The following GAB3 variants were observed in gnomAD, a reference collection of about 807,000 sequenced individuals.
GAB3 encodes GRB2-associated-binding protein 3.
A neutral mutation model predicts 40.4 loss-of-function variants in GAB3; 12 were observed. That is an observed-to-expected ratio of 0.30 (90% CI 0.19 to 0.48). The LOEUF is 0.48. Ranked by LOEUF, GAB3 falls within the 20% of genes least tolerant of loss-of-function variation. GAB3 has a pLI of 0.99. For synonymous variants in GAB3, 154 were observed against 176.7 expected, an observed-to-expected ratio of 0.87 and a Z score of 1.02; for missense variants, 381 against 461.9, an observed-to-expected ratio of 0.82 and a Z score of 1.61.
Position 154,738,512 on chromosome X carries a change from C to T in GAB3, c.72+12442G>A, listed in dbSNP as rs1451880835. ...TTATTTGGGCAGCATATTATGTAAC[C>T]GGTTTCCTGTCATTGGAAGTGTCCA... On this transcript the variant is annotated intron_variant, in intron 1 of 9. Coordinates refer to ENST00000424127, the MANE Select transcript of GAB3 (RefSeq NM_001081573.3). 5.4e-5 allele frequency among the ~76,000 whole-genome samples: 6 copies of T among 112,107 alleles called. No individual in the cohort carries two copies. In the East Asian group the frequency reaches 8.3e-4, roughly 16 times the overall value.
At chrX:154,680,623 C>T (rs1353083545) in intron 8 of GAB3, among the ~76,000 whole-genome samples, 5 of 111,739 alleles carry the variant, frequency 4.5e-5, no homozygotes, top group Non-Finnish European at 9.4e-5. Context: ...ATAGTTTGCA[C>T]AATACAAACA....
rs1302640447 is a variant in GAB3, at chrX:154,678,076, G to A, written c.*102C>T. The A allele has an allele frequency of 4.7e-5, 22 of 466,497 alleles. No homozygotes were observed. The highest frequency in any genetic ancestry group is 7.1e-4 in the Middle Eastern group (2 of 2,806). The allele number at this position is 466,497 out of a possible 1,213,427, so 38.4% of individuals were successfully genotyped here. Reference sequence around the variant, plus strand: ...TTCTCTCTTGGTTTTGACCTGTGTTGACCATCAGTGTGTTTTTAGTGGACA... The same window carrying A: ...TTCTCTCTTGGTTTTGACCTGTGTTAACCATCAGTGTGTTTTTAGTGGACA... On this transcript the variant is annotated 3_prime_UTR_variant, in exon 10 of 10. Transcript: ENST00000424127.
At chrX:154,730,100 A>G (rs897442254) in intron 1 of GAB3, among the ~76,000 whole-genome samples, 1 of 112,310 alleles carries the variant, frequency 8.9e-6, no homozygotes, top group Non-Finnish European at 1.9e-5. Context: ...GCACTGTTCT[A>G]TCACATGGAA....
chrX:154,687,872 A>G, intron 8 of GAB3, among the ~76,000 whole-genome samples: 1 of 112,146 alleles, frequency 8.9e-6, no homozygotes, highest in Non-Finnish European at 1.9e-5. Flanking sequence ...ATCTACACAA[A>G]TATGTCCAAC....
chrX:154,724,524 T>C (rs1242601752), intron 1 of GAB3, among the ~76,000 whole-genome samples: 3 of 110,835 alleles, frequency 2.7e-5, no homozygotes, highest in African/African-American at 9.9e-5. Flanking sequence ...GCTCTGACCA[T>C]CGAAAGATCC....
At chrX:154,681,636 T>G (rs1179603178) in intron 8 of GAB3, among the ~76,000 whole-genome samples, 2 of 111,485 alleles carry the variant, frequency 1.8e-5, no homozygotes, top group African/African-American at 6.5e-5. Flanking sequence ...ATACTTTTAA[T>G]GTAATGTCGA....
intron 6 of GAB3, among the ~76,000 whole-genome samples, chrX:154,698,144 C>T (rs1455457728): frequency 1.8e-5 from 2 of 112,591 alleles, no homozygotes; most frequent in East Asian, 5.5e-4. Flanking sequence ...TTCAAGGGTT[C>T]AATAGCCATT....
chrX:154,698,190 A>G (rs1480082936), intron 6 of GAB3, among the ~76,000 whole-genome samples: 1 of 112,646 alleles, frequency 8.9e-6, no homozygotes, highest in Non-Finnish European at 1.9e-5. Flanking sequence ...TTGTTGTTTA[A>G]TTGTTTCTGA....
chrX:154,729,099 G>A (rs2071257250), intron 1 of GAB3, among the ~76,000 whole-genome samples: 3 of 111,817 alleles, frequency 2.7e-5, no homozygotes, highest in Non-Finnish European at 3.8e-5. Flanking sequence ...GGGGGGAAAA[G>A]GTGCACTGGT....
chrX:154,743,597 T>C (rs191261307), intron 1 of GAB3, among the ~76,000 whole-genome samples: 2 of 111,485 alleles, frequency 1.8e-5, no homozygotes, highest in East Asian at 2.8e-4. Context: ...AAGAATGGAA[T>C]TGGGAATATA....
chrX:154,690,910 A>T (rs1557249206), intron 8 of GAB3, among the ~76,000 whole-genome samples: 2 of 107,317 alleles, frequency 1.9e-5, no homozygotes, highest in African/African-American at 7.4e-5. Context: ...CAGTGATCCC[A>T]TTACTGGGTA....
chrX:154,686,992 C>G (rs1420704393), intron 8 of GAB3, among the ~76,000 whole-genome samples: 2 of 108,669 alleles, frequency 1.8e-5, no homozygotes, highest in African/African-American at 6.7e-5. Flanking sequence ...GGGTTCGAGA[C>G]CAGCCTGGCC....
Position 154,719,594 on chromosome X carries a change from AC to A in GAB3, c.73-3266del. Among the ~76,000 whole-genome samples, 5 of 112,564 alleles carry A rather than the reference AC, an allele frequency of 4.4e-5. 1 individual carries two copies. The Admixed American group carries it at 4.7e-4, about 11-fold the overall frequency. ...AAGGAAAAAGAACAGTCACACAGTA[AC>A]TTAAATAGGACGTAGCATAGTCTTG... On this transcript the variant is annotated intron_variant, in intron 1 of 9. Transcript: ENST00000424127.
At chrX:154,696,092 T>C (rs1291399703) in intron 7 of GAB3, 73 bp from the exon 8 acceptor site, 3 of 557,882 alleles carry the variant, frequency 5.4e-6, no homozygotes, top group African/African-American at 2.3e-5. Flanking sequence ...GGAACTAACA[T>C]GGCCCTCATG....
In GAB3 at chrX:154,751,047, C is replaced by A; in HGVS notation, c.-22G>T. The A allele has an allele frequency of 1.3e-6, 1 of 792,875 alleles. No individual in the cohort carries two copies. The highest frequency in any genetic ancestry group is 1.5e-6 in the Non-Finnish European group (1 of 662,089). The allele number at this position is 792,875 out of a possible 1,213,427, so 65.3% of individuals were successfully genotyped here. ...TCATCGTGGCCGCCGCCGCCGCTTC[C>A]TCCAGCTGGGCCAGCCGCCCGCGGC... On this transcript the variant is annotated 5_prime_UTR_variant, in exon 1 of 10. In the 5' UTR this introduces an upstream ATG that the reference lacks. Transcript: ENST00000424127.
intron 4 of GAB3, among the ~76,000 whole-genome samples, chrX:154,701,285 T>C (rs1266932257): frequency 2.7e-5 from 3 of 112,553 alleles, no homozygotes; most frequent in Non-Finnish European, 5.6e-5. Flanking sequence ...TTTCTCATTG[T>C]GGGACTTGCA....
At chrX:154,696,712 C>A (rs2070663911) in intron 7 of GAB3, among the ~76,000 whole-genome samples, 1 of 112,562 alleles carries the variant, frequency 8.9e-6, no homozygotes, top group African/African-American at 3.2e-5. Flanking sequence ...CTGGGGAACA[C>A]AATTCTCTCT....
intron 4 of GAB3, among the ~76,000 whole-genome samples, chrX:154,710,317 T>G (rs2070917012): frequency 9.0e-6 from 1 of 111,682 alleles, no homozygotes; most frequent in Admixed American, 9.5e-5. Context: ...GTCTAGAACC[T>G]GACCAGCTGA....
chrX:154,721,670 T>C (rs1168584980), intron 1 of GAB3, among the ~76,000 whole-genome samples: 4 of 112,236 alleles, frequency 3.6e-5, no homozygotes, highest in Non-Finnish European at 7.5e-5. Context: ...ATGCTCGATA[T>C]CACTAATCAC....
Sources: gnomAD v4.1 joint callset for allele counts (sites outside exome capture counted in the v4.1 genomes callset) on GRCh38, gnomAD v4.1.1 for gene constraint, MANE v1.5 for transcripts, NCBI Gene and HGNC (gene_info 2026-07-23, HGNC 2026-07-21) for gene names.